KIAA1549: variants seen among roughly 807,000 people sequenced by gnomAD.
KIAA1549 encodes the protein UPF0606 protein KIAA1549.
Under a neutral mutation model 156.4 loss-of-function variants are expected in KIAA1549, and 70 were observed. The ratio of observed to expected loss-of-function variants is 0.45; its 90% confidence interval spans 0.37 to 0.55. The LOEUF is 0.55. Ranked by LOEUF, KIAA1549 falls within the 20% of genes least tolerant of loss-of-function variation. The pLI, the probability that KIAA1549 is intolerant of heterozygous loss-of-function variation, is 0.00. For missense variants in KIAA1549, 2,428 were observed against 2,540.9 expected (o/e 0.96, Z 0.96); for synonymous variants, 1,103 against 1,066.4 (o/e 1.03, Z -0.67).
intron 6 of KIAA1549, among the ~76,000 whole-genome samples, chr7:138,906,675 G>A (rs1323401835): frequency 2.0e-5 from 3 of 151,956 alleles, no homozygotes; most frequent in Admixed American, 1.3e-4. Flanking sequence ...GCGGGAGGAG[G>A]GATAAAAGAC....
intron 1 of KIAA1549, among the ~76,000 whole-genome samples, chr7:138,919,972 G>C (rs1812512811): frequency 6.6e-6 from 1 of 152,156 alleles, no homozygotes. Flanking sequence ...GAGTTCCCCA[G>C]TTCCTCAGCT....
intron 16 of KIAA1549, among the ~76,000 whole-genome samples, chr7:138,859,008 A>AAT (rs1369446705): frequency 7.0e-6 from 1 of 142,260 alleles, no homozygotes; most frequent in Non-Finnish European, 1.5e-5. Flanking sequence ...TCCATCTCAA[A>AAT]ACACACACAC....
chr7:138,953,173 T>C (rs1340748304), intron 1 of KIAA1549, among the ~76,000 whole-genome samples: 2 of 152,152 alleles, frequency 1.3e-5, no homozygotes, highest in Admixed American at 1.3e-4. Context: ...CTGGCCAACA[T>C]GGTAAAACCT....
At chr7:138,959,173 A>G (rs1297488370) in intron 1 of KIAA1549, among the ~76,000 whole-genome samples, 1 of 152,172 alleles carries the variant, frequency 6.6e-6, no homozygotes, top group East Asian at 1.9e-4. Context: ...GTGCTGAGAC[A>G]AAAGTTCTCA....
At position 138,918,572 on chromosome 7, in the gene KIAA1549, G is replaced by A. The variant is rs774890274; in HGVS notation, c.1054C>T (p.Leu352Phe). The A allele has an allele frequency of 1.9e-6, 3 of 1,614,046 alleles. No individual in the cohort carries two copies. The highest frequency in any genetic ancestry group is 2.2e-5 in the South Asian group (2 of 91,084). ...YPTVTASHAA[L>F]AFSRTHSPLL... Reference sequence around the variant, plus strand: ...GGAGAATGTGTCCTGCTGAATGCAAGGGCTGCGTGCGATGCAGTCACAGTG... The same window carrying A: ...GGAGAATGTGTCCTGCTGAATGCAAAGGCTGCGTGCGATGCAGTCACAGTG... Residue 352 changes from leucine (L) to phenylalanine (F), a missense_variant, in exon 2 of 20, where the codon CTT (leucine) becomes TTT (phenylalanine). By Grantham distance (22) the Leu-to-Phe change is conservative. This residue lies in a region of KIAA1549 where 893 missense variants were observed against 847.9 expected (regional missense o/e 1.05). Transcript: ENST00000422774. The surrounding 1 kb of genome is among the most constrained non-coding windows in gnomAD (Gnocchi z 4.2).
intron 1 of KIAA1549, among the ~76,000 whole-genome samples, chr7:138,931,882 A>G (rs1812883575): frequency 6.6e-6 from 1 of 152,186 alleles, no homozygotes; most frequent in Non-Finnish European, 1.5e-5. Context: ...CCCGTCACTA[A>G]AAGGCATTAT....
intron 1 of KIAA1549, among the ~76,000 whole-genome samples, chr7:138,974,375 G>A (rs1814310689): frequency 6.6e-6 from 1 of 151,876 alleles, no homozygotes; most frequent in South Asian, 2.1e-4. Context: ...TTGGGGGTGG[G>A]GAGCAAGGAA....
At chr7:138,937,040 G>T (rs776999944) in intron 1 of KIAA1549, among the ~76,000 whole-genome samples, 5 of 152,068 alleles carry the variant, frequency 3.3e-5, no homozygotes, top group Non-Finnish European at 7.4e-5. Context: ...TCCTCCAGTG[G>T]CTCTTAAAAG....
At chr7:138,899,815 G>A (rs1160808666) in intron 8 of KIAA1549, among the ~76,000 whole-genome samples, 1 of 152,058 alleles carries the variant, frequency 6.6e-6, no homozygotes, top group Non-Finnish European at 1.5e-5. Flanking sequence ...TAATCTTGTG[G>A]GTCAAATAAT....
Position 138,918,030 on chromosome 7 carries a change from C to A in KIAA1549, c.1596G>T (p.Ala532=), listed in dbSNP as rs376964458. 2 of 1,608,830 alleles carry A rather than the reference C, an allele frequency of 1.2e-6. No individual in the cohort carries two copies. The highest frequency in any genetic ancestry group is 1.1e-5 in the South Asian group (1 of 90,060). The part of the protein sequence containing the change: ...PPAHGRLSVP[A]SLDPTAGSLS... Reference sequence around the variant, plus strand: ...AGGAGCCAGCAGTAGGATCAAGTGACGCCGGCACAGAGAGGCGGCCGTGGG... The same window carrying A: ...AGGAGCCAGCAGTAGGATCAAGTGAAGCCGGCACAGAGAGGCGGCCGTGGG... Residue 532 remains alanine, a synonymous_variant, in exon 2 of 20, where the codon GCG becomes GCT. Coordinates refer to ENST00000422774, the MANE Select transcript of KIAA1549 (RefSeq NM_001164665.2). This position sits in a 1 kb window ranked among gnomAD's most constrained non-coding sequence, Gnocchi z 4.2.
intron 1 of KIAA1549, among the ~76,000 whole-genome samples, chr7:138,923,548 T>G (rs1812623094): frequency 6.6e-6 from 1 of 151,538 alleles, no homozygotes; most frequent in African/African-American, 2.4e-5. Context: ...TGCAGTGAGC[T>G]GAGATCATGC....
At chr7:138,979,415 T>C (rs1814476687) in intron 1 of KIAA1549, among the ~76,000 whole-genome samples, 1 of 152,190 alleles carries the variant, frequency 6.6e-6, no homozygotes, top group Non-Finnish European at 1.5e-5. Context: ...AAAGGAAGCA[T>C]GTCATAGAGT....
At chr7:138,869,232 G>A (rs1242984227) in intron 14 of KIAA1549, among the ~76,000 whole-genome samples, 2 of 152,220 alleles carry the variant, frequency 1.3e-5, no homozygotes, top group Non-Finnish European at 2.9e-5. Flanking sequence ...TTTTAGACAG[G>A]CTGAATTGGA....
At position 138,894,369 on chromosome 7, in the gene KIAA1549, A is replaced by G. The variant is rs764040450; in HGVS notation, c.4005T>C (p.Thr1335=). Residue 1335 remains threonine (T), a synonymous_variant, in exon 10 of 20, where the codon ACT becomes ACC. Coordinates refer to ENST00000422774, the MANE Select transcript of KIAA1549 (RefSeq NM_001164665.2). ...RTDKLDFQPD[T]VANIQQRQKL... is the part of the protein sequence containing the mutation. ...TCTGACGCTGCTGAATGTTGGCCACAGTGTCAGGCTGAAAGTCTAGCTTGT... is the reference window on the plus strand; with the variant it reads ...TCTGACGCTGCTGAATGTTGGCCACGGTGTCAGGCTGAAAGTCTAGCTTGT... The G allele has an allele frequency of 2.5e-6, 4 of 1,613,988 alleles. No individual in the cohort carries two copies. Among genetic ancestry groups the G allele is most frequent in the Non-Finnish European group, 2.5e-6 (3 of 1,179,870 alleles).
rs1584718990 is a variant in KIAA1549, at chr7:138,871,101, G to A, written c.4551+56C>T. 5.9e-6 allele frequency: 9 copies of A among 1,532,634 alleles called. No individual in the cohort carries two copies. The South Asian group carries it at 7.0e-5, about 12-fold the overall frequency. 94.9% of individuals were successfully genotyped at this position (1,532,634 alleles called of 1,614,324 possible). The stretch of plus-strand genomic sequence containing the variant: ...CCAAGTGCTGGGATTACAGGCATAA[G>A]CCACCGGGCTTAGCCGAGTTTTTTA... On this transcript the variant is annotated intron_variant, in intron 13 of 19. Transcript: ENST00000422774.
rs745602660 is a variant in KIAA1549, at chr7:138,917,190, G to A, written c.2436C>T (p.Asp812=). 18 of 1,613,832 alleles carry A rather than the reference G, an allele frequency of 1.1e-5. No individual in the cohort carries two copies. The highest frequency in any genetic ancestry group is 2.7e-5 in the African/African-American group (2 of 74,930). ...SSLFSTLTPP[D]DQISALDGHV... is the part of the protein sequence containing the mutation. ...GACCGTCTAGAGCACTGATTTGGTC[G>A]TCAGGAGGTGTCAGAGTTGAGAACA... The change falls in exon 2 of 20, where the codon GAC becomes GAT. Residue 812 remains aspartate, a synonymous_variant. Transcript: ENST00000422774.
In KIAA1549 at chr7:138,957,074, T is replaced by C. The variant is rs1018696094; in HGVS notation, c.187+24009A>G. ...TGAGGGAAGTACAGAATCAAGCAAA[T>C]GAGGAAGAGAAGTGCATTCCACGCA... On this transcript the variant is annotated intron_variant, in intron 1 of 19. Transcript: ENST00000422774. 2.6e-5 allele frequency among the ~76,000 whole-genome samples: 4 copies of C among 152,014 alleles called. No individual in the cohort carries two copies. The East Asian group carries it at 5.8e-4, about 22-fold the overall frequency.
intron 1 of KIAA1549, among the ~76,000 whole-genome samples, chr7:138,978,250 G>A (rs1814438321): frequency 6.6e-6 from 1 of 152,148 alleles, no homozygotes; most frequent in South Asian, 2.1e-4. Context: ...GATTATGGGT[G>A]ACTGGTTTCT....
At chr7:138,974,345 G>A (rs891091433) in intron 1 of KIAA1549, among the ~76,000 whole-genome samples, 1 of 151,960 alleles carries the variant, frequency 6.6e-6, no homozygotes, top group Non-Finnish European at 1.5e-5. Flanking sequence ...CCTGAAAGAG[G>A]GCAGGGAGGC....
Sources: allele counts gnomAD v4.1 joint callset (sites outside exome capture counted in the v4.1 genomes callset), GRCh38; gene constraint gnomAD v4.1.1; regional missense constraint gnomAD v4.1.1; non-coding constraint Gnocchi (gnomAD v3.1); transcripts MANE v1.5; gene names NCBI Gene and HGNC (gene_info 2026-07-23, HGNC 2026-07-21).